NHEJ1: variants seen among roughly 807,000 people sequenced by gnomAD.
NHEJ1 encodes the protein non-homologous end joining factor 1, also known as non-homologous end-joining factor 1.
Under a neutral mutation model 39.4 loss-of-function variants are expected in NHEJ1, and 22 were observed. The ratio of observed to expected loss-of-function variants is 0.56; its 90% CI spans 0.40 to 0.80. NHEJ1 has a LOEUF of 0.80. Among genes scored for constraint, NHEJ1 ranks in the 30% least tolerant of loss-of-function variants. The pLI is 0.00. For missense variants in NHEJ1, 329 were observed against 357.1 expected (o/e 0.92, Z 0.63); for synonymous variants, 154 against 135.6 (o/e 1.14, Z -0.94).
chr2:219,098,068 A>G (rs1949225038), intron 5 of NHEJ1, among the ~76,000 whole-genome samples: 1 of 152,220 alleles, frequency 6.6e-6, no homozygotes. Flanking sequence ...ATGCTGTTTG[A>G]CCAAATAAGA....
intron 5 of NHEJ1, among the ~76,000 whole-genome samples, chr2:219,137,598 A>AAAACAAG: frequency 6.6e-6 from 1 of 150,736 alleles, no homozygotes; most frequent in Non-Finnish European, 1.5e-5. Context: ...AAAAACAAAA[A>AAAACAAG]AAACTGAAAA....
chr2:219,133,245 C>T (rs545464323), intron 5 of NHEJ1, among the ~76,000 whole-genome samples: 57 of 152,292 alleles, frequency 3.7e-4, no homozygotes, highest in African/African-American at 1.3e-3. Context: ...AAATATCACC[C>T]GTAAGTGAAG....
intron 5 of NHEJ1, among the ~76,000 whole-genome samples, chr2:219,127,421 C>T (rs1574728370): frequency 6.6e-6 from 1 of 152,150 alleles, no homozygotes; most frequent in Admixed American, 6.6e-5. Flanking sequence ...AAGTCCTTTC[C>T]AATCAGCTGT....
At chr2:219,155,220 T>C (rs1258046005) in intron 3 of NHEJ1, among the ~76,000 whole-genome samples, 4 of 151,384 alleles carry the variant, frequency 2.6e-5, no homozygotes, top group African/African-American at 9.7e-5. Flanking sequence ...ACAAACATTA[T>C]TGAGGAAACA....
At chr2:219,115,886 C>G (rs1347610608) in intron 5 of NHEJ1, among the ~76,000 whole-genome samples, 1 of 152,128 alleles carries the variant, frequency 6.6e-6, no homozygotes, top group African/African-American at 2.4e-5. Flanking sequence ...CTTTGGGAGG[C>G]CGAGGCGGGC....
At chr2:219,083,871 C>G (rs1052016734) in intron 5 of NHEJ1, among the ~76,000 whole-genome samples, 1 of 152,086 alleles carries the variant, frequency 6.6e-6, no homozygotes, top group Non-Finnish European at 1.5e-5. Flanking sequence ...TGGTTCCTGA[C>G]TTAGGATTTT....
intron 5 of NHEJ1, among the ~76,000 whole-genome samples, chr2:219,114,086 A>G (rs2106340976): frequency 6.6e-6 from 1 of 152,322 alleles, no homozygotes; most frequent in Admixed American, 6.5e-5. Context: ...CACGGCTTTG[A>G]GCATGTTAAG....
chr2:219,078,258 C>T (rs1949032744), intron 5 of NHEJ1, 52 bp from the exon 6 acceptor site: 7 of 1,435,416 alleles, frequency 4.9e-6, no homozygotes, highest in East Asian at 4.5e-5. Context: ...GCTAGAGAAG[C>T]GATCTAATAC....
chr2:219,155,781 C>T (rs1444000874), intron 3 of NHEJ1, among the ~76,000 whole-genome samples: 2 of 150,594 alleles, frequency 1.3e-5, no homozygotes, highest in Middle Eastern at 3.2e-3. Flanking sequence ...AAAAATTAGC[C>T]GGGCGTGGTG....
intron 5 of NHEJ1, among the ~76,000 whole-genome samples, chr2:219,100,565 T>C (rs1949247269): frequency 6.6e-6 from 1 of 150,612 alleles, no homozygotes; most frequent in Admixed American, 6.6e-5. Flanking sequence ...GAGCTGAGAT[T>C]GTGCCACTGA....
intron 5 of NHEJ1, among the ~76,000 whole-genome samples, chr2:219,079,029 T>G (rs1202854585): frequency 6.6e-6 from 1 of 152,220 alleles, no homozygotes; most frequent in African/African-American, 2.4e-5. Flanking sequence ...TTACATTATA[T>G]TTATCTGTTT....
chr2:219,125,109 C>A (rs1949502591), intron 5 of NHEJ1, among the ~76,000 whole-genome samples: 1 of 122,256 alleles, frequency 8.2e-6, no homozygotes, highest in African/African-American at 3.0e-5. Flanking sequence ...CAATAGATTC[C>A]AAACTTTGGA....
intron 5 of NHEJ1, among the ~76,000 whole-genome samples, chr2:219,145,178 G>A (rs1250248684): frequency 6.6e-6 from 1 of 152,118 alleles, no homozygotes; most frequent in African/African-American, 2.4e-5. Flanking sequence ...TTGTGCCATG[G>A]CACTCCAGTC....
chr2:219,089,110 C>A (rs142190120), intron 5 of NHEJ1, among the ~76,000 whole-genome samples: 2 of 152,140 alleles, frequency 1.3e-5, no homozygotes, highest in South Asian at 4.1e-4. Context: ...TGAGCCATTG[C>A]GCCCAGCCTA....
intron 5 of NHEJ1, among the ~76,000 whole-genome samples, chr2:219,096,406 T>G (rs549850965): frequency 6.6e-6 from 1 of 152,364 alleles, no homozygotes; most frequent in South Asian, 2.1e-4. Flanking sequence ...ATTGAGGCCC[T>G]GCTATGTTCC....
At chr2:219,142,404 G>A (rs777513427) in intron 5 of NHEJ1, among the ~76,000 whole-genome samples, 18 of 152,300 alleles carry the variant, frequency 1.2e-4, no homozygotes, top group East Asian at 1.9e-4. Flanking sequence ...CCCTGAGCCT[G>A]GCCGCGTCTG....
chr2:219,105,987 T>C (rs904930215), intron 5 of NHEJ1, among the ~76,000 whole-genome samples: 7 of 152,212 alleles, frequency 4.6e-5, no homozygotes, highest in Admixed American at 3.3e-4. Context: ...GCCTTGCAAA[T>C]AGTAATTACT....
chr2:219,153,317 G>A (rs1002587763), intron 3 of NHEJ1, among the ~76,000 whole-genome samples: 1 of 152,176 alleles, frequency 6.6e-6, no homozygotes, highest in Non-Finnish European at 1.5e-5. Context: ...TCAAAGAGGT[G>A]GAGTTGAGTT....
intron 5 of NHEJ1, among the ~76,000 whole-genome samples, chr2:219,119,930 CT>C (rs1949455687): frequency 6.6e-6 from 1 of 152,182 alleles, no homozygotes; most frequent in Admixed American, 6.5e-5. Context: ...AAGACAAATA[CT>C]CAACAAACCC....
Sources: allele counts gnomAD v4.1 joint callset (sites outside exome capture counted in the v4.1 genomes callset), GRCh38; gene constraint gnomAD v4.1.1; transcripts MANE v1.5; gene names NCBI Gene and HGNC (gene_info 2026-07-23, HGNC 2026-07-21).